LINGO1: variants seen among roughly 807,000 people sequenced by gnomAD.
LINGO1 encodes leucine-rich repeat and immunoglobulin-like domain-containing nogo receptor-interacting protein 1.
A neutral mutation model predicts 37.3 loss-of-function variants in LINGO1; 11 were observed. That is an observed-to-expected ratio of 0.29 (90% CI 0.19 to 0.49). The LOEUF is 0.49. Among genes scored for constraint, LINGO1 ranks in the 20% least tolerant of loss-of-function variants. The pLI is 0.99. For synonymous variants in LINGO1, 387 were observed against 403.0 expected (o/e 0.96, Z 0.48); for missense variants, 585 against 878.2 (o/e 0.67, Z 4.22).
chr15:77,767,505 G>C (rs1044198403), intron 1 of LINGO1, among the ~76,000 whole-genome samples: 6 of 152,196 alleles, frequency 3.9e-5, no homozygotes, highest in African/African-American at 1.4e-4. Flanking sequence ...GGTCCAGGGA[G>C]CAAGAGGGTC....
At chr15:77,784,116 G>C (rs2076748575) in intron 1 of LINGO1, among the ~76,000 whole-genome samples, 1 of 152,248 alleles carries the variant, frequency 6.6e-6, no homozygotes, top group Non-Finnish European at 1.5e-5. Flanking sequence ...CAATCTGTCA[G>C]GACCCTCCTT....
At chr15:77,737,765 TG>T (rs1225532102) in intron 1 of LINGO1, among the ~76,000 whole-genome samples, 1 of 152,184 alleles carries the variant, frequency 6.6e-6, no homozygotes, top group Non-Finnish European at 1.5e-5. Flanking sequence ...ATTTTATCTC[TG>T]GGTTTCCAGG....
At position 77,813,739 on chromosome 15, in the gene LINGO1, C is replaced by T. The variant is rs79638928; in HGVS notation, c.-458+6519G>A. Among the ~76,000 whole-genome samples, 936 of 152,256 alleles carry T rather than the reference C, an allele frequency of 6.1e-3. 14 individuals are homozygous for T. Among genetic ancestry groups the T allele is most frequent in the African/African-American group, 0.021 (881 of 41,548 alleles). On this transcript the variant is annotated intron_variant, in intron 1 of 5. Coordinates refer to the LINGO1 transcript ENST00000562933. ...TAATGCCCTGCCATGTAGAAAAATA[C>T]GTATTAGAGCCTCAAAAATAGCCTT...
chr15:77,799,160 T>C (rs2076897063), intron 1 of LINGO1, among the ~76,000 whole-genome samples: 1 of 152,202 alleles, frequency 6.6e-6, no homozygotes, highest in Non-Finnish European at 1.5e-5. Context: ...TCAATACCCC[T>C]AGCTATTTCC....
At chr15:77,652,051 G>A (rs1009496581) in intron 3 of LINGO1, 1 of 152,180 alleles carries the variant, frequency 6.6e-6, no homozygotes, top group Admixed American at 6.5e-5. Context: ...TCCACTCTCT[G>A]AGCAGATGTC....
At chr15:77,757,205 C>T (rs8024882) in intron 1 of LINGO1, among the ~76,000 whole-genome samples, 29,177 of 152,266 alleles carry the variant, frequency 0.19, 4,597 homozygotes, top group African/African-American at 0.44. Context: ...CAGGGATCAT[C>T]TTGGTTTGAC....
chr15:77,762,212 T>C (rs1259931774), intron 1 of LINGO1, among the ~76,000 whole-genome samples: 1 of 152,146 alleles, frequency 6.6e-6, no homozygotes, highest in East Asian at 1.9e-4. Context: ...GTAGAAACTG[T>C]GGCATGAGGA....
intron 1 of LINGO1, among the ~76,000 whole-genome samples, chr15:77,629,025 T>C (rs1381849800): frequency 2.0e-5 from 3 of 152,216 alleles, no homozygotes; most frequent in Non-Finnish European, 4.4e-5. Context: ...CACACCTAAT[T>C]GTCACGACCT....
At chr15:77,814,725 T>C (rs577299971) in intron 1 of LINGO1, among the ~76,000 whole-genome samples, 19 of 152,330 alleles carry the variant, frequency 1.2e-4, no homozygotes, top group African/African-American at 4.1e-4. Context: ...TTCAAACCCA[T>C]TTCCATCTGG....
chr15:77,797,474 T>C (rs7177234), intron 1 of LINGO1, among the ~76,000 whole-genome samples: 27,502 of 152,198 alleles, frequency 0.18, 2,964 homozygotes, highest in Admixed American at 0.32. Flanking sequence ...TTGGGGAGCA[T>C]TGTGGTAATC....
intron 2 of LINGO1, among the ~76,000 whole-genome samples, chr15:77,795,651 A>G (rs962840223): frequency 6.6e-6 from 1 of 152,230 alleles, no homozygotes; most frequent in South Asian, 2.1e-4. Context: ...CCAAGGACAG[A>G]GCCCTGCAGC....
chr15:77,699,715 A>ATG (rs1567532179), upstream of LINGO1, among the ~76,000 whole-genome samples: 1 of 5,990 alleles, frequency 1.7e-4, no homozygotes, highest in African/African-American at 4.4e-4. Flanking sequence ...CATCATTCCC[A>ATG]CACACAATAA....
At chr15:77,813,238 T>C (rs7183989) in intron 1 of LINGO1, among the ~76,000 whole-genome samples, 76,432 of 152,116 alleles carry the variant, frequency 0.5, 20,817 homozygotes, top group Non-Finnish European at 0.62. Flanking sequence ...AGAAGGTTTT[T>C]TTTTTAATGA....
At chr15:77,701,441 C>A (rs535013117), upstream of LINGO1, among the ~76,000 whole-genome samples, 1 of 152,082 alleles carries the variant, frequency 6.6e-6, no homozygotes, top group Non-Finnish European at 1.5e-5. Context: ...ACCTCCCTGG[C>A]GGGGTGGGAA....
upstream of LINGO1, among the ~76,000 whole-genome samples, chr15:77,700,196 C>A (rs78172762): frequency 0.011 from 1,733 of 152,298 alleles, 20 homozygotes; most frequent in Non-Finnish European, 0.013. Flanking sequence ...GCACCTTCAG[C>A]CCTGAGAGCT....
chr15:77,621,229 AT>A (rs2073908949), intron 1 of LINGO1, among the ~76,000 whole-genome samples: 1 of 151,850 alleles, frequency 6.6e-6, no homozygotes, highest in South Asian at 2.1e-4. Context: ...TAATGTTTGT[AT>A]TTTTACTAGA....
chr15:77,687,040 A>G (rs796205930), intron 2 of LINGO1, among the ~76,000 whole-genome samples: 33 of 152,248 alleles, frequency 2.2e-4, no homozygotes, highest in African/African-American at 7.5e-4. Context: ...CTGCTTTTCT[A>G]TTGGCATATC....
intron 3 of LINGO1, among the ~76,000 whole-genome samples, chr15:77,664,830 G>A (rs2075095281): frequency 6.6e-6 from 1 of 152,208 alleles, no homozygotes; most frequent in African/African-American, 2.4e-5. Flanking sequence ...GGGAGGGGAA[G>A]GGTGTGTCCC....
intron 1 of LINGO1, among the ~76,000 whole-genome samples, chr15:77,815,191 C>T (rs903597109): frequency 1.3e-5 from 2 of 152,232 alleles, no homozygotes; most frequent in African/African-American, 4.8e-5. Context: ...GCTGGCACCT[C>T]CCCTGATGTG....
Sources: gnomAD v4.1 joint callset for allele counts (sites outside exome capture counted in the v4.1 genomes callset) on GRCh38, gnomAD v4.1.1 for gene constraint, MANE v1.5 for transcripts, NCBI Gene and HGNC (gene_info 2026-07-23, HGNC 2026-07-21) for gene names.